Variants in MCM9 observed in about 807,000 individuals in gnomAD.
MCM9 encodes DNA helicase MCM9.
Under a neutral mutation model 72.8 loss-of-function variants are expected in MCM9, and 55 were observed. The ratio of observed to expected loss-of-function variants is 0.76; its 90% confidence interval spans 0.61 to 0.95. MCM9 has a LOEUF of 0.95. Among genes scored for constraint, MCM9 ranks in the 40% least tolerant of loss-of-function variants. The pLI, the probability that MCM9 is intolerant of heterozygous loss-of-function variation, is 0.00. For missense variants in MCM9, 1,279 were observed against 1,377.0 expected (o/e 0.93, Z 1.13); for synonymous variants, 480 against 503.4 (o/e 0.95, Z 0.62).
At chr6:118,923,224 C>T (rs770479052) in intron 4 of MCM9, among the ~76,000 whole-genome samples, 2 of 151,768 alleles carry the variant, frequency 1.3e-5, no homozygotes, top group African/African-American at 2.4e-5. Flanking sequence ...TTTACAAATA[C>T]TTCATTTAGC....
At chr6:118,926,171 T>C (rs966991091) in intron 3 of MCM9, among the ~76,000 whole-genome samples, 1 of 152,202 alleles carries the variant, frequency 6.6e-6, no homozygotes. Flanking sequence ...ATTTCACACG[T>C]AGATGCTCCG....
chr6:118,891,025 C>T (rs902314911), intron 8 of MCM9, among the ~76,000 whole-genome samples: 1 of 152,188 alleles, frequency 6.6e-6, no homozygotes, highest in African/African-American at 2.4e-5. Context: ...TAATTTGGCA[C>T]ATTTTGATTT....
chr6:118,905,573 GGTA>G, intron 8 of MCM9: 1 of 1,176,220 alleles, frequency 8.5e-7, no homozygotes, highest in Non-Finnish European at 1.2e-6. Context: ...GATGGTTCTA[GGTA>G]ACTGAAACTC....
chr6:118,826,476 C>T (rs1490844975), intron 12 of MCM9, among the ~76,000 whole-genome samples, 184 bp from the exon 13 acceptor site: 1 of 152,110 alleles, frequency 6.6e-6, no homozygotes, highest in East Asian at 1.9e-4. Context: ...TGGTGGCAAT[C>T]ATTGCTCTAG....
chr6:118,932,810 A>G (rs1338757496), intron 1 of MCM9, 70 bp from the exon 2 acceptor site: 2 of 154,386 alleles, frequency 1.3e-5, no homozygotes, highest in East Asian at 1.9e-4. Context: ...AAATAATAAA[A>G]AAGTATTATT....
chr6:118,920,695 C>G (rs9387609), intron 5 of MCM9: 43,632 of 152,156 alleles, frequency 0.29, 7,625 homozygotes, highest in African/African-American at 0.49. Flanking sequence ...TTTACCATGT[C>G]ATGTGCCTGC....
At chr6:118,822,743 G>T (rs1423652559) in intron 13 of MCM9, among the ~76,000 whole-genome samples, 2 of 152,124 alleles carry the variant, frequency 1.3e-5, no homozygotes, top group East Asian at 3.9e-4. Flanking sequence ...CTTCCCCCAG[G>T]TGCTCTGTCC....
chr6:118,930,252 A>C (rs576506212), intron 3 of MCM9, among the ~76,000 whole-genome samples: 5 of 152,034 alleles, frequency 3.3e-5, no homozygotes, highest in Non-Finnish European at 5.9e-5. Context: ...CTGGGACTAC[A>C]GGCGCCCGCC....
chr6:118,838,017 G>T (rs372166516), intron 9 of MCM9, among the ~76,000 whole-genome samples: 10 of 152,050 alleles, frequency 6.6e-5, no homozygotes, highest in African/African-American at 1.2e-4. Flanking sequence ...CTTTCCATAT[G>T]TAGTGCTTCC....
chr6:118,893,940 T>TCCCCGCCGCAGCCACGCCG, intron 8 of MCM9: 3 of 891,082 alleles, frequency 3.4e-6, no homozygotes, highest in Middle Eastern at 5.7e-4. Flanking sequence ...CAGCCACGCC[T>TCCCCGCCGCAGCCACGCCG]CCCCGCCGCG....
rs1429821894 is a variant in MCM9, at chr6:118,828,161, T to C, written c.1529-31A>G. ...TGTATCAGGTGTTGGGTCAGTAAGT[T>C]CTTAGGACAGGCAAACATCTCATTT... On this transcript the variant is annotated intron_variant, in intron 10 of 13. Coordinates refer to ENST00000619706, the MANE Select transcript of MCM9 (RefSeq NM_017696.3). 4 of 1,495,608 alleles carry C rather than the reference T, an allele frequency of 2.7e-6. No individual in the cohort carries two copies. In the African/African-American group the frequency reaches 5.6e-5, roughly 21 times the overall value. 92.6% of individuals were successfully genotyped at this position (1,495,608 alleles called of 1,614,324 possible).
At chr6:118,924,927 C>A (rs1781760801) in intron 3 of MCM9, among the ~76,000 whole-genome samples, 1 of 151,930 alleles carries the variant, frequency 6.6e-6, no homozygotes, top group Non-Finnish European at 1.5e-5. Context: ...GCCTATAGCC[C>A]CAGCAACTCG....
In MCM9 at chr6:118,815,403, A is replaced by C; in HGVS notation, c.2853T>G (p.His951Gln). Residue 951 changes from histidine to glutamine, a missense_variant, in exon 14 of 14, where the codon CAT becomes CAG. Transcript: ENST00000619706. The part of the protein sequence containing the change: ...VSPGATKIAV[H>Q]SPKISQRRTR... ...TTCTACGCTGGGAAATTTTAGGACT[A>C]TGAACTGCTATTTTAGTTGCACCAG... is the stretch of plus-strand genomic sequence containing the variant. 1 of 1,550,400 alleles carries C rather than the reference A, an allele frequency of 6.4e-7. No individual in the cohort carries two copies. The highest frequency in any genetic ancestry group is 1.2e-5 in the South Asian group (1 of 84,052).
intron 6 of MCM9, among the ~76,000 whole-genome samples, chr6:118,916,534 T>C (rs766282737): frequency 1.3e-5 from 2 of 151,174 alleles, no homozygotes; most frequent in Admixed American, 1.3e-4. Flanking sequence ...TCTTGGCTCA[T>C]TGCAACCTCT....
intron 6 of MCM9, among the ~76,000 whole-genome samples, chr6:118,916,451 A>C (rs758137554): frequency 7.5e-5 from 11 of 147,054 alleles, no homozygotes; most frequent in African/African-American, 7.4e-5. Context: ...TATTATTATT[A>C]TTATTATTAT....
rs754708831 is a variant in MCM9 at position 118,917,747 on chromosome 6, T to G, written c.718A>C (p.Ile240Leu). Residue 240 changes from isoleucine (I) to leucine (L), a missense_variant, in exon 6 of 14, where the codon ATT (isoleucine) becomes CTT (leucine). Physicochemically the swap from Ile to Leu is conservative, Grantham distance 5 (BLOSUM62 2). Transcript: ENST00000619706. ...CACCGTTGCATTACAATCCCGTAAATAGTGAGGTCATCACCTAGGAAAAAG... is the reference window on the plus strand; with the variant it reads ...CACCGTTGCATTACAATCCCGTAAAGAGTGAGGTCATCACCTAGGAAAAAG... ...DSCKSGDDLT[I>L]YGIVMQRWKP... The G allele has an allele frequency of 1.9e-6, 3 of 1,614,100 alleles. No individual in the cohort carries two copies. In the East Asian group the frequency reaches 6.7e-5, roughly 36 times the overall value.
chr6:118,838,573 C>T (rs908450628), intron 9 of MCM9, among the ~76,000 whole-genome samples: 11 of 151,274 alleles, frequency 7.3e-5, no homozygotes, highest in Admixed American at 6.6e-5. Context: ...TACAGGCACC[C>T]GCCACCACAC....
At chr6:118,834,329 ATG>A (rs34064083) in intron 9 of MCM9, among the ~76,000 whole-genome samples, 23,235 of 152,148 alleles carry the variant, frequency 0.15, 1,889 homozygotes, top group Non-Finnish European at 0.19. Flanking sequence ...ATACGTGTGT[ATG>A]TGTCTTTATA....
chr6:118,854,120 T>C (rs1776404699), intron 9 of MCM9, among the ~76,000 whole-genome samples: 2 of 152,240 alleles, frequency 1.3e-5, no homozygotes, highest in African/African-American at 4.8e-5. Context: ...TAGTAGCTTT[T>C]CTTAAATTCT....
Sources: gnomAD v4.1 joint callset for allele counts (sites outside exome capture counted in the v4.1 genomes callset) on GRCh38, gnomAD v4.1.1 for gene constraint, MANE v1.5 for transcripts, NCBI Gene and HGNC (gene_info 2026-07-23, HGNC 2026-07-21) for gene names.